CA10: variants seen among roughly 807,000 people sequenced by gnomAD.
CA10 encodes the protein carbonic anhydrase 10 (inactive).
In CA10, 14 loss-of-function variants were observed where a neutral mutation model predicts 44.2. The ratio of observed to expected loss-of-function variants is 0.32; its 90% CI spans 0.21 to 0.50. The LOEUF (loss-of-function observed/expected upper bound fraction) is 0.50. Ranked by LOEUF, CA10 falls within the 20% of genes least tolerant of loss-of-function variation. The probability of loss-of-function intolerance (pLI) is 0.99; values close to 1 mark genes in which losing one functional copy is unlikely to be tolerated. For missense variants in CA10, 350 were observed against 409.7 expected, an observed-to-expected ratio of 0.85 and a Z score of 1.26; for synonymous variants, 159 against 141.6, an observed-to-expected ratio of 1.12 and a Z score of -0.87.
chr17:52,088,381 A>C (rs1044500677), intron 1 of CA10, among the ~76,000 whole-genome samples: 4 of 151,616 alleles, frequency 2.6e-5, no homozygotes, highest in Non-Finnish European at 5.9e-5. Context: ...AATGTGTAAC[A>C]ATGAGATTCT....
At chr17:51,671,027 C>T (rs1331440345) in intron 4 of CA10, among the ~76,000 whole-genome samples, 4 of 152,128 alleles carry the variant, frequency 2.6e-5, no homozygotes, top group Admixed American at 2.6e-4. Flanking sequence ...GGAATGAAGT[C>T]CCCTTGCACT....
chr17:51,649,660 C>G (rs764741477), intron 5 of CA10, among the ~76,000 whole-genome samples: 3 of 152,136 alleles, frequency 2.0e-5, no homozygotes, highest in Non-Finnish European at 4.4e-5. Context: ...CATACACGGA[C>G]ATGGGGAAGT....
chr17:51,790,359 T>C (rs1906470817), intron 3 of CA10, among the ~76,000 whole-genome samples: 1 of 152,196 alleles, frequency 6.6e-6, no homozygotes, highest in Non-Finnish European at 1.5e-5. Flanking sequence ...ATGCCTGTTG[T>C]AGCAACTGTC....
intron 2 of CA10, among the ~76,000 whole-genome samples, chr17:51,960,666 G>A (rs1301404303): frequency 6.6e-6 from 1 of 152,046 alleles, no homozygotes. Context: ...AGAAAAAAGT[G>A]AAATAAAGAC....
intron 8 of CA10, among the ~76,000 whole-genome samples, chr17:51,632,720 G>T (rs1912638946): frequency 6.6e-6 from 1 of 152,150 alleles, no homozygotes; most frequent in Non-Finnish European, 1.5e-5. Context: ...CTGATTTCCA[G>T]TCCAGGGCTC....
chr17:51,829,946 C>T (rs991686409), intron 3 of CA10, among the ~76,000 whole-genome samples: 28 of 152,044 alleles, frequency 1.8e-4, no homozygotes, highest in African/African-American at 6.8e-4. Context: ...CGCCTGTAAT[C>T]CTAGCACTAT....
At chr17:51,915,053 T>C (rs1345411676) in intron 3 of CA10, among the ~76,000 whole-genome samples, 1 of 152,222 alleles carries the variant, frequency 6.6e-6, no homozygotes, top group Non-Finnish European at 1.5e-5. Flanking sequence ...TTTCATTCAA[T>C]AAACATTTAT....
At chr17:52,027,561 T>C (rs1354161918) in intron 2 of CA10, among the ~76,000 whole-genome samples, 1 of 152,082 alleles carries the variant, frequency 6.6e-6, no homozygotes, top group Non-Finnish European at 1.5e-5. Context: ...GACATGCACA[T>C]AGAAATTACA....
At position 51,631,490 on chromosome 17, in the gene CA10, G is replaced by A; in HGVS notation, c.*94C>T. On this transcript the variant is annotated 3_prime_UTR_variant, in exon 9 of 9. Coordinates refer to ENST00000451037, the MANE Select transcript of CA10 (RefSeq NM_020178.5). Reference sequence around the variant, plus strand: ...AAGAATGAATGAGGCTTGGGGGAAAGAAGGAGAGAGAAGCAAGAAGGGGGA... The same window carrying A: ...AAGAATGAATGAGGCTTGGGGGAAAAAAGGAGAGAGAAGCAAGAAGGGGGA... 1 of 1,155,746 alleles carries A rather than the reference G, an allele frequency of 8.7e-7. No homozygotes were observed. Among genetic ancestry groups the A allele is most frequent in the East Asian group, 2.3e-5 (1 of 42,740 alleles). 71.6% of individuals were successfully genotyped at this position (1,155,746 alleles called of 1,614,324 possible).
At chr17:52,073,388 G>A (rs898949581) in intron 1 of CA10, among the ~76,000 whole-genome samples, 1 of 151,996 alleles carries the variant, frequency 6.6e-6, no homozygotes, top group Non-Finnish European at 1.5e-5. Flanking sequence ...AGATAAGCTT[G>A]GACTGTTTAG....
At position 51,640,363 on chromosome 17, in the gene CA10, C is replaced by T. The variant is rs528071148; in HGVS notation, c.635-4354G>A. Among the ~76,000 whole-genome samples the T allele has an allele frequency of 2.8e-3, 432 of 152,270 alleles. 2 individuals are homozygous for T. The highest frequency in any genetic ancestry group is 0.01 in the African/African-American group (421 of 41,554). ...CCTTAGCTTAAATACATGCTGCCTA[C>T]CATCTCCCCCCTATGTCTCACACCC... On this transcript the variant is annotated intron_variant, in intron 6 of 8. Coordinates refer to ENST00000451037, the MANE Select transcript of CA10 (RefSeq NM_020178.5).
chr17:51,638,109 C>T (rs1437993033), intron 6 of CA10, among the ~76,000 whole-genome samples: 3 of 152,196 alleles, frequency 2.0e-5, no homozygotes, highest in Non-Finnish European at 4.4e-5. Context: ...CAGCCTTCTC[C>T]AATAAGAAAG....
At chr17:52,046,646 TAGA>T (rs1265690290) in intron 2 of CA10, among the ~76,000 whole-genome samples, 3 of 151,744 alleles carry the variant, frequency 2.0e-5, no homozygotes, top group Non-Finnish European at 4.4e-5. Context: ...TTCTAGAAAA[TAGA>T]AGATGATGGA....
Position 51,673,053 on chromosome 17 carries a change from A to G in CA10, c.466-19317T>C, listed in dbSNP as rs544486857. Among the ~76,000 whole-genome samples the G allele has an allele frequency of 1.1e-4, 16 of 152,340 alleles. 1 individual carries two copies. The South Asian group carries it at 3.1e-3, about 30-fold the overall frequency. Reference sequence around the variant, plus strand: ...TCTCTTGTTGGTCTTTCTGAGTTGAACAGTCTTGTGGCCTTAATGCCTATC... The same window carrying G: ...TCTCTTGTTGGTCTTTCTGAGTTGAGCAGTCTTGTGGCCTTAATGCCTATC... On this transcript the variant is annotated intron_variant, in intron 4 of 8. Coordinates refer to ENST00000451037, the MANE Select transcript of CA10 (RefSeq NM_020178.5).
intron 3 of CA10, among the ~76,000 whole-genome samples, chr17:51,890,344 T>C (rs1980800832): frequency 6.6e-6 from 1 of 152,172 alleles, no homozygotes; most frequent in Non-Finnish European, 1.5e-5. Flanking sequence ...GGTTCGTAAA[T>C]TCTCGAGTTT....
chr17:51,969,364 AG>A (rs1227916843), intron 2 of CA10, among the ~76,000 whole-genome samples: 2 of 152,056 alleles, frequency 1.3e-5, no homozygotes, highest in African/African-American at 4.8e-5. Flanking sequence ...CACTTGCCCA[AG>A]TTCACGTATC....
At position 52,124,394 on chromosome 17, in the gene CA10, G is replaced by A. The variant is rs1225840557; in HGVS notation, c.61+33332C>T. 2.0e-5 allele frequency among the ~76,000 whole-genome samples: 3 copies of A among 152,166 alleles called. No individual in the cohort carries two copies. The East Asian group carries it at 5.8e-4, about 29-fold the overall frequency. The stretch of plus-strand genomic sequence containing the variant: ...CAGTAAGTGATAGATCTGGGATTCA[G>A]AACCAGGTCTCCTTTCCCCAGGATT... On this transcript the variant is annotated intron_variant, in intron 1 of 8. Coordinates refer to ENST00000451037, the MANE Select transcript of CA10 (RefSeq NM_020178.5).
At chr17:51,677,894 C>CA (rs944680606) in intron 4 of CA10, among the ~76,000 whole-genome samples, 5 of 143,964 alleles carry the variant, frequency 3.5e-5, no homozygotes, top group African/African-American at 4.9e-5. Context: ...CACCCCCCCC[C>CA]CCACCGGCTG....
intron 1 of CA10, among the ~76,000 whole-genome samples, chr17:52,098,571 A>G (rs1988460484): frequency 6.6e-6 from 1 of 152,214 alleles, no homozygotes; most frequent in Admixed American, 6.5e-5. Flanking sequence ...TACTGACCTA[A>G]GTCCTCTAAG....
Sources: allele counts gnomAD v4.1 joint callset (sites outside exome capture counted in the v4.1 genomes callset), GRCh38; gene constraint gnomAD v4.1.1; transcripts MANE v1.5; gene names NCBI Gene and HGNC (gene_info 2026-07-23, HGNC 2026-07-21).